Variants in C1orf174 observed in about 807,000 individuals in gnomAD.
C1orf174 encodes chromosome 1 open reading frame 174, also known as UPF0688 protein C1orf174.
A neutral mutation model predicts 18.4 loss-of-function variants in C1orf174; 13 were observed. The observed-to-expected ratio is 0.71, with a 90% CI of 0.46 to 1.12. The LOEUF is 1.12. Among genes scored for constraint, C1orf174 ranks in the 50% most tolerant of loss-of-function variants. C1orf174 has a pLI of 0.00. For synonymous variants in C1orf174, 100 were observed against 118.3 expected, an observed-to-expected ratio of 0.85 and a Z score of 1.01; for missense variants, 309 against 308.0, an observed-to-expected ratio of 1.00 and a Z score of -0.02.
rs1318836206 is a variant in C1orf174, at chr1:3,900,217, G to A, written c.-31C>T. The stretch of plus-strand genomic sequence containing the variant: ...TGAGCACCGCAGCCAAGCACCGCGC[G>A]CCCCGGCCAACGCGTCCCGGCGGAG... On this transcript the variant is annotated 5_prime_UTR_variant, in exon 1 of 4. Coordinates refer to ENST00000361605, the MANE Select transcript of C1orf174 (RefSeq NM_207356.3). 5.8e-6 allele frequency: 9 copies of A among 1,563,014 alleles called. No individual in the cohort carries two copies. Among genetic ancestry groups the A allele is most frequent in the Admixed American group, 1.8e-5 (1 of 54,214 alleles).
intron 1 of C1orf174, among the ~76,000 whole-genome samples, chr1:3,894,606 CAA>C (rs56302416): frequency 5.3e-5 from 6 of 112,324 alleles, no homozygotes; most frequent in Admixed American, 9.7e-5. Context: ...GACTCCGTCT[CAA>C]AAAAAAAAAA....
At chr1:3,890,479 A>G in intron 3 of C1orf174, 90 bp downstream of exon 3, 1 of 1,510,448 alleles carries the variant, frequency 6.6e-7, no homozygotes, top group South Asian at 1.2e-5. Flanking sequence ...GTGTCGAGGC[A>G]TTATTTACCT....
At chr1:3,900,065 C>A in intron 1 of C1orf174, 107 bp downstream of exon 1, 1 of 1,394,174 alleles carries the variant, frequency 7.2e-7, no homozygotes, top group Non-Finnish European at 9.4e-7. Flanking sequence ...GCGGAGGCCG[C>A]TCCTAGGCCA....
rs1293720148 is a variant in C1orf174 at position 3,899,507 on chromosome 1, C to T, written c.15+665G>A. 6.6e-5 allele frequency among the ~76,000 whole-genome samples: 6 copies of T among 90,908 alleles called. No homozygotes were observed. In the East Asian group the frequency reaches 1.3e-3, roughly 20 times the overall value. The allele number at this position is 90,908 out of a possible 152,430, so 59.6% of individuals were successfully genotyped here. On this transcript the variant is annotated intron_variant, in intron 1 of 3. Transcript: ENST00000361605. ...GCCCCTTGCCAGACACTGGCACCCCCCTTCAATCCTCACCACCCTCTTGGT... is the reference window on the plus strand; with the variant it reads ...GCCCCTTGCCAGACACTGGCACCCCTCTTCAATCCTCACCACCCTCTTGGT...
In C1orf174 at chr1:3,890,599, G is replaced by T. The variant is rs1638488317; in HGVS notation, c.588C>A (p.Ser196Arg). Residue 196 changes from serine to arginine, a missense_variant, in exon 3 of 4, where the codon AGC (serine) becomes AGA (arginine). Ser to Arg is a moderately radical substitution (Grantham distance 110). Transcript: ENST00000361605. Reference sequence around the variant, plus strand: ...TGAGCTCAACGTTTCCAAAGAACCGGCTCACGGGCATTGGCTGATTGCTGT... The same window carrying T: ...TGAGCTCAACGTTTCCAAAGAACCGTCTCACGGGCATTGGCTGATTGCTGT... ...DDDSNQPMPV[S>R]RFFGNVELMQ... 6.2e-7 allele frequency: 1 copy of T among 1,614,002 alleles called. No individual in the cohort carries two copies. The highest frequency in any genetic ancestry group is 1.7e-5 in the Admixed American group (1 of 59,982).
At chr1:3,891,833 C>G (rs549425692) in intron 2 of C1orf174, 1 of 985,468 alleles carries the variant, frequency 1.0e-6, no homozygotes, top group East Asian at 1.1e-4. Flanking sequence ...TAGACACACA[C>G]ACGGGTGGGC....
chr1:3,894,714 G>T (rs1218994647), intron 1 of C1orf174, among the ~76,000 whole-genome samples: 2 of 152,202 alleles, frequency 1.3e-5, no homozygotes, highest in African/African-American at 2.4e-5. Flanking sequence ...TGATACTGTG[G>T]CAGTCAGAGT....
chr1:3,891,486 G>T, intron 2 of C1orf174: 1 of 582,310 alleles, frequency 1.7e-6, no homozygotes, highest in Non-Finnish European at 2.2e-6. Context: ...CACAGTAGGT[G>T]CTCAAGAAAT....
At chr1:3,896,414 C>T (rs562391427) in intron 1 of C1orf174, among the ~76,000 whole-genome samples, 15 of 152,336 alleles carry the variant, frequency 9.8e-5, no homozygotes, top group South Asian at 2.1e-4. Flanking sequence ...CAGGCTGCTG[C>T]TAGCTCCCCC....
At chr1:3,894,180 C>A (rs570734727) in intron 1 of C1orf174, among the ~76,000 whole-genome samples, 10 of 152,088 alleles carry the variant, frequency 6.6e-5, no homozygotes, top group Non-Finnish European at 1.5e-4. Context: ...GTTGACATGG[C>A]CGGGAAAGGC....
At position 3,900,218 on chromosome 1, in the gene C1orf174, C is replaced by CCCCGGCCAACGCGT. The variant is rs1217810785; in HGVS notation, c.-46_-33dup. The CCCCGGCCAACGCGT allele has an allele frequency of 1.9e-6, 3 of 1,563,024 alleles. No homozygotes were observed. Among genetic ancestry groups the CCCCGGCCAACGCGT allele is most frequent in the African/African-American group, 1.4e-5 (1 of 70,958 alleles). ...GAGCACCGCAGCCAAGCACCGCGCG[C>CCCCGGCCAACGCGT]CCCGGCCAACGCGTCCCGGCGGAGC... On this transcript the variant is annotated 5_prime_UTR_variant, in exon 1 of 4. Coordinates refer to ENST00000361605, the MANE Select transcript of C1orf174 (RefSeq NM_207356.3).
At chr1:3,893,374 T>C (rs1277530510) in intron 1 of C1orf174, among the ~76,000 whole-genome samples, 1 of 152,166 alleles carries the variant, frequency 6.6e-6, no homozygotes, top group Non-Finnish European at 1.5e-5. Context: ...TAAAAAAAGG[T>C]AACATGAGGA....
chr1:3,900,222 G>C lies in C1orf174; in HGVS notation c.-36C>G, dbSNP rs766978271. The C allele has an allele frequency of 1.2e-5, 18 of 1,556,046 alleles. No homozygotes were observed. Among genetic ancestry groups the C allele is most frequent in the Non-Finnish European group, 1.5e-5 (18 of 1,163,256 alleles). On this transcript the variant is annotated 5_prime_UTR_variant, in exon 1 of 4. Transcript: ENST00000361605. ...ACCGCAGCCAAGCACCGCGCGCCCC[G>C]GCCAACGCGTCCCGGCGGAGCGGCG...
chr1:3,891,778 C>A, intron 2 of C1orf174: 1 of 986,096 alleles, frequency 1.0e-6, no homozygotes, highest in African/African-American at 1.7e-5. Context: ...CTCCATAGCA[C>A]GCTAAGAGCA....
intron 2 of C1orf174, chr1:3,891,953 C>A (rs1275460974): frequency 7.2e-6 from 1 of 138,658 alleles, no homozygotes; most frequent in Non-Finnish European, 1.1e-5. Context: ...AGGATCAGAG[C>A]CCGGGTCTAG....
At chr1:3,890,447 T>A in intron 3 of C1orf174, 122 bp downstream of exon 3, 1 of 1,361,702 alleles carries the variant, frequency 7.3e-7, no homozygotes, top group Non-Finnish European at 9.9e-7. Flanking sequence ...TGGGTTAAAA[T>A]GATTAGTTTA....
chr1:3,893,440 A>G (rs1638550059), intron 1 of C1orf174, among the ~76,000 whole-genome samples: 1 of 152,252 alleles, frequency 6.6e-6, no homozygotes, highest in Non-Finnish European at 1.5e-5. Context: ...GAATGCAGCT[A>G]GCGACTGTCT....
intron 1 of C1orf174, 104 bp downstream of exon 1, chr1:3,900,068 C>G (rs1283223713): frequency 1.5e-5 from 21 of 1,411,152 alleles, no homozygotes; most frequent in Non-Finnish European, 2.0e-5. Context: ...GAGGCCGCTC[C>G]TAGGCCACAG....
intron 1 of C1orf174, among the ~76,000 whole-genome samples, chr1:3,897,774 C>G (rs763929499): frequency 1.4e-4 from 21 of 151,510 alleles, no homozygotes; most frequent in Non-Finnish European, 2.1e-4. Context: ...TGCCATTCTC[C>G]CGCCTCAGCC....
Sources: gnomAD v4.1 joint callset for allele counts (sites outside exome capture counted in the v4.1 genomes callset) on GRCh38, gnomAD v4.1.1 for gene constraint, MANE v1.5 for transcripts, NCBI Gene and HGNC (gene_info 2026-07-23, HGNC 2026-07-21) for gene names.